Variants in CGGBP1 observed in about 807,000 individuals in gnomAD.
The protein encoded by CGGBP1 is CGG triplet repeat-binding protein 1.
In CGGBP1, 4 loss-of-function variants were observed where a neutral mutation model predicts 11.4. The observed-to-expected ratio is 0.35, with a 90% confidence interval of 0.17 to 0.80. The LOEUF (loss-of-function observed/expected upper bound fraction) is 0.80. CGGBP1 is among the 30% of genes least tolerant of loss of function. The probability of loss-of-function intolerance (pLI) is 0.52; values close to 1 mark genes in which losing one functional copy is unlikely to be tolerated. For synonymous variants in CGGBP1, 76 were observed against 74.1 expected (o/e 1.03, Z -0.13); for missense variants, 135 against 202.1 (o/e 0.67, Z 2.01).
intron 2 of CGGBP1, among the ~76,000 whole-genome samples, chr3:88,098,058 G>C (rs1418009779): frequency 1.3e-5 from 2 of 152,034 alleles, no homozygotes; most frequent in African/African-American, 2.4e-5. Context: ...TTTTTGAAAC[G>C]ATCAACAAAA....
intron 1 of CGGBP1, among the ~76,000 whole-genome samples, chr3:88,148,031 T>A (rs1707340498): frequency 6.6e-6 from 1 of 152,198 alleles, no homozygotes; most frequent in African/African-American, 2.4e-5. Flanking sequence ...TCAAACGGGC[T>A]CCAGTCTCCT....
chr3:88,106,757 T>G (rs1704764554), intron 2 of CGGBP1, among the ~76,000 whole-genome samples: 1 of 152,238 alleles, frequency 6.6e-6, no homozygotes, highest in Non-Finnish European at 1.5e-5. Context: ...CTATTGCTTC[T>G]GAGTTTCTTA....
At chr3:88,064,550 T>C (rs1576181466) in intron 2 of CGGBP1, among the ~76,000 whole-genome samples, 1 of 152,176 alleles carries the variant, frequency 6.6e-6, no homozygotes, top group African/African-American at 2.4e-5. Context: ...ATGTGGTACC[T>C]CAAATTCCTG....
chr3:88,061,477 T>C (rs1706881304), upstream of CGGBP1, among the ~76,000 whole-genome samples: 2 of 152,212 alleles, frequency 1.3e-5, no homozygotes, highest in Admixed American at 1.3e-4. Context: ...TTACCAACTT[T>C]TACCTGAAAC....
intron 2 of CGGBP1, among the ~76,000 whole-genome samples, chr3:88,096,685 T>A (rs1320519803): frequency 6.6e-6 from 1 of 152,154 alleles, no homozygotes; most frequent in Admixed American, 6.5e-5. Context: ...TTTAGCGGCT[T>A]GCTTTTAAGA....
In CGGBP1 at chr3:88,058,883, A is replaced by T. The variant is rs9310065; in HGVS notation, c.-399T>A. The T allele has an allele frequency of 8.2e-3, 1,325 of 161,650 alleles. 18 individuals are homozygous for T. Among genetic ancestry groups the T allele is most frequent in the African/African-American group, 0.03 (1,272 of 41,824 alleles). 10.0% of individuals were successfully genotyped at this position (161,650 alleles called of 1,614,324 possible). ...CCGGAAAGGAAAAGAAAAGGAAGAA[A>T]GAGGAGCAAGGGAATAAGGGAGGAG... On this transcript the variant is annotated 5_prime_UTR_variant, in exon 1 of 4. Coordinates refer to ENST00000482016, the MANE Select transcript of CGGBP1 (RefSeq NM_001008390.2).
rs1391981771 is a variant in CGGBP1 at position 88,052,167 on chromosome 3, G to A, written c.*3306C>T. 6.6e-6 allele frequency: 1 copy of A among 152,512 alleles called. No homozygotes were observed. The highest frequency in any genetic ancestry group is 2.4e-5 in the African/African-American group (1 of 41,418). 9.4% of individuals were successfully genotyped at this position (152,512 alleles called of 1,614,324 possible). ...TTTTAATACAGTATTCTGAATACAA[G>A]TAGAATACCACTAGATAAGAATTGT... On this transcript the variant is annotated 3_prime_UTR_variant, in exon 4 of 4. Transcript: ENST00000482016.
intron 2 of CGGBP1, among the ~76,000 whole-genome samples, chr3:88,103,166 A>AT (rs570313871): frequency 9.6e-4 from 145 of 151,768 alleles, no homozygotes; most frequent in South Asian, 6.8e-3. Context: ...TTACAGACAC[A>AT]TTTTTTTTTA....
chr3:88,063,526 G>A (rs1431825582), upstream of CGGBP1, among the ~76,000 whole-genome samples: 1 of 152,010 alleles, frequency 6.6e-6, no homozygotes, highest in East Asian at 1.9e-4. Flanking sequence ...TCTTGATATA[G>A]GATTTACATA....
intron 2 of CGGBP1, among the ~76,000 whole-genome samples, chr3:88,100,713 A>G (rs1309655855): frequency 6.6e-6 from 1 of 152,196 alleles, no homozygotes; most frequent in Non-Finnish European, 1.5e-5. Context: ...ACAAGGAAAG[A>G]AAACCAAACA....
chr3:88,115,622 T>G (rs2107776680), intron 2 of CGGBP1, among the ~76,000 whole-genome samples: 1 of 152,344 alleles, frequency 6.6e-6, no homozygotes, highest in East Asian at 1.9e-4. Context: ...TCCTAAAATC[T>G]GAGTTGTTCA....
At chr3:88,063,852 G>T (rs1461994595), upstream of CGGBP1, among the ~76,000 whole-genome samples, 1 of 152,064 alleles carries the variant, frequency 6.6e-6, no homozygotes, top group Non-Finnish European at 1.5e-5. Context: ...TTTGTGTCAT[G>T]ATCCAGGGTA....
chr3:88,088,050 C>T (rs2107667843), intron 2 of CGGBP1, among the ~76,000 whole-genome samples: 1 of 152,286 alleles, frequency 6.6e-6, no homozygotes, highest in African/African-American at 2.4e-5. Flanking sequence ...ATTTCTAATT[C>T]TGAGCATTTC....
chr3:88,056,612 A>C (rs1446371400), intron 3 of CGGBP1: 9 of 152,010 alleles, frequency 5.9e-5, no homozygotes, highest in African/African-American at 2.2e-4. Flanking sequence ...GTTCAAAGTT[A>C]TTTTGTAATG....
rs536954083 is a variant in CGGBP1 at position 88,072,860 on chromosome 3, G to A, written c.-228-14637C>T. 1.8e-4 allele frequency among the ~76,000 whole-genome samples: 27 copies of A among 152,290 alleles called. No homozygotes were observed. The South Asian group carries it at 5.2e-3, about 29-fold the overall frequency. ...CCCTAAAATAGGGAAAGTGTGATTA[G>A]TGCCACTATTTGAATTCCTATGCAC... On this transcript the variant is annotated intron_variant, in intron 2 of 3. Transcript: ENST00000462901.
chr3:88,136,064 T>C (rs1365025114), intron 2 of CGGBP1, among the ~76,000 whole-genome samples: 4 of 152,154 alleles, frequency 2.6e-5, no homozygotes, highest in South Asian at 4.1e-4. Context: ...TAGTGAAATA[T>C]CATTCAAATG....
chr3:88,094,646 G>A (rs1274642431), intron 2 of CGGBP1, among the ~76,000 whole-genome samples: 2 of 152,052 alleles, frequency 1.3e-5, no homozygotes, highest in Non-Finnish European at 2.9e-5. Flanking sequence ...CTACTATTAG[G>A]AAGATCTTTA....
At chr3:88,079,238 T>C (rs553777957) in intron 2 of CGGBP1, among the ~76,000 whole-genome samples, 83 of 152,194 alleles carry the variant, frequency 5.5e-4, no homozygotes, top group Non-Finnish European at 2.2e-4. Flanking sequence ...TTATGTTCCA[T>C]ATTGGGAGCT....
intron 2 of CGGBP1, among the ~76,000 whole-genome samples, chr3:88,092,136 A>G (rs941934946): frequency 6.6e-6 from 1 of 152,202 alleles, no homozygotes; most frequent in Admixed American, 6.5e-5. Flanking sequence ...TATTTTCCAT[A>G]CCAGAAGAAA....
Sources: allele counts gnomAD v4.1 joint callset (sites outside exome capture counted in the v4.1 genomes callset), GRCh38; gene constraint gnomAD v4.1.1; transcripts MANE v1.5; gene names NCBI Gene and HGNC (gene_info 2026-07-23, HGNC 2026-07-21).